CBFA2T2: variants seen among roughly 807,000 people sequenced by gnomAD.
CBFA2T2 encodes the protein CBFA2/RUNX1 partner transcriptional co-repressor 2, also known as protein CBFA2T2.
In CBFA2T2, 11 loss-of-function variants were observed where a neutral mutation model predicts 62.2. The observed-to-expected ratio is 0.18, with a 90% CI of 0.11 to 0.29. CBFA2T2 has a LOEUF of 0.29. CBFA2T2 is among the 10% of genes least tolerant of loss of function. The probability of loss-of-function intolerance (pLI) is 1.00; values close to 1 mark genes in which losing one functional copy is unlikely to be tolerated. For missense variants in CBFA2T2, 592 were observed against 774.1 expected, an observed-to-expected ratio of 0.76 and a Z score of 2.79; for synonymous variants, 295 against 287.5, an observed-to-expected ratio of 1.03 and a Z score of -0.27.
chr20:33,519,384 C>A (rs1460429501), intron 1 of CBFA2T2, among the ~76,000 whole-genome samples: 1 of 152,118 alleles, frequency 6.6e-6, no homozygotes, highest in Non-Finnish European at 1.5e-5. Context: ...GCGGGAGAAT[C>A]GCTTGAACCC....
At chr20:33,510,050 TGTGA>T in intron 1 of CBFA2T2, among the ~76,000 whole-genome samples, 1 of 152,064 alleles carries the variant, frequency 6.6e-6, no homozygotes, top group African/African-American at 2.4e-5. Context: ...AATTCCCACC[TGTGA>T]GTGAGAACAT....
chr20:33,603,238 A>G (rs1168800081), intron 1 of CBFA2T2, among the ~76,000 whole-genome samples: 1 of 152,200 alleles, frequency 6.6e-6, no homozygotes, highest in East Asian at 1.9e-4. Flanking sequence ...TTAAATTCCT[A>G]TGTAGGAAAA....
chr20:33,490,433 C>T, intron 1 of CBFA2T2, 132 bp downstream of exon 1: 1 of 951,902 alleles, frequency 1.1e-6, no homozygotes, highest in South Asian at 5.3e-5. Context: ...GGCGGCGGAT[C>T]CAAGGTCACG....
intron 1 of CBFA2T2, among the ~76,000 whole-genome samples, chr20:33,494,684 C>T (rs542200343): frequency 1.3e-5 from 2 of 152,030 alleles, no homozygotes; most frequent in East Asian, 1.9e-4. Context: ...CCACAACCTC[C>T]GCCTCCCAGG....
intron 1 of CBFA2T2, among the ~76,000 whole-genome samples, chr20:33,558,800 A>G (rs1568818538): frequency 6.6e-6 from 1 of 151,166 alleles, no homozygotes; most frequent in Non-Finnish European, 1.5e-5. Context: ...ATTTCAATAG[A>G]GATCAATTTT....
chr20:33,604,197 T>G (rs1260437185), intron 1 of CBFA2T2, among the ~76,000 whole-genome samples: 1 of 152,248 alleles, frequency 6.6e-6, no homozygotes, highest in Non-Finnish European at 1.5e-5. Context: ...TTGGTCAAGG[T>G]CACATACCTA....
chr20:33,582,734 G>C (rs2014178039), intron 1 of CBFA2T2, among the ~76,000 whole-genome samples: 1 of 151,974 alleles, frequency 6.6e-6, no homozygotes, highest in Non-Finnish European at 1.5e-5. Flanking sequence ...TTGAGGTCAG[G>C]AATTCGAGAC....
chr20:33,609,363 G>T (rs1455730420), intron 2 of CBFA2T2, among the ~76,000 whole-genome samples: 1 of 152,116 alleles, frequency 6.6e-6, no homozygotes, highest in Non-Finnish European at 1.5e-5. Context: ...TTAGCTGGAT[G>T]TGGTGGTGCG....
At chr20:33,491,148 A>C (rs1187065449) in intron 1 of CBFA2T2, among the ~76,000 whole-genome samples, 1 of 152,132 alleles carries the variant, frequency 6.6e-6, no homozygotes, top group Non-Finnish European at 1.5e-5. Context: ...AAGAACAATA[A>C]AATTTTAATT....
At chr20:33,503,863 G>A (rs1438843731) in intron 1 of CBFA2T2, among the ~76,000 whole-genome samples, 1 of 141,400 alleles carries the variant, frequency 7.1e-6, no homozygotes, top group African/African-American at 2.6e-5. Context: ...TTTTTTTTTT[G>A]TCAGTGGGTA....
intron 2 of CBFA2T2, 118 bp from the exon 3 acceptor site, chr20:33,610,976 T>G: frequency 7.7e-7 from 1 of 1,296,550 alleles, no homozygotes; most frequent in Non-Finnish European, 1.1e-6. Context: ...TTGCATACCT[T>G]TATAACATGT....
chr20:33,616,268 G>A (rs1472382946), intron 3 of CBFA2T2, among the ~76,000 whole-genome samples: 1 of 152,080 alleles, frequency 6.6e-6, no homozygotes, highest in Non-Finnish European at 1.5e-5. Context: ...CTTGTTGGCA[G>A]CAAAAATTAC....
chr20:33,642,088 C>A (rs2016861118), intron 10 of CBFA2T2, among the ~76,000 whole-genome samples: 1 of 149,312 alleles, frequency 6.7e-6, no homozygotes, highest in African/African-American at 2.5e-5. Flanking sequence ...CCTTTTCGTT[C>A]TCTCCTCCTC....
At chr20:33,584,224 C>T (rs777173996) in intron 1 of CBFA2T2, among the ~76,000 whole-genome samples, 15 of 151,878 alleles carry the variant, frequency 9.9e-5, no homozygotes, top group Non-Finnish European at 1.8e-4. Context: ...GCTGGGATTA[C>T]AGGCGTGAGC....
At chr20:33,491,219 C>A (rs1309731489) in intron 1 of CBFA2T2, among the ~76,000 whole-genome samples, 35 of 152,098 alleles carry the variant, frequency 2.3e-4, no homozygotes, top group Admixed American at 2.3e-3. Context: ...ATTTTGCATT[C>A]TATTCACTTA....
At chr20:33,539,420 T>C (rs1379780345) in intron 1 of CBFA2T2, among the ~76,000 whole-genome samples, 2 of 152,250 alleles carry the variant, frequency 1.3e-5, no homozygotes, top group Non-Finnish European at 2.9e-5. Flanking sequence ...TTTCAGGCCC[T>C]CTGCATCTTC....
chr20:33,526,443 A>C (rs576171563), intron 1 of CBFA2T2, among the ~76,000 whole-genome samples: 2 of 152,200 alleles, frequency 1.3e-5, no homozygotes, highest in Non-Finnish European at 2.9e-5. Context: ...TAGCAATAAA[A>C]ATAATCTATT....
chr20:33,550,771 A>G (rs376860107), intron 1 of CBFA2T2, among the ~76,000 whole-genome samples: 42 of 151,904 alleles, frequency 2.8e-4, no homozygotes, highest in African/African-American at 8.9e-4. Context: ...ACAGGTTCGT[A>G]CCACCACACC....
At chr20:33,594,536 C>G (rs1024829447) in intron 1 of CBFA2T2, among the ~76,000 whole-genome samples, 4 of 152,030 alleles carry the variant, frequency 2.6e-5, no homozygotes, top group African/African-American at 9.7e-5. Flanking sequence ...TAGATTTCCT[C>G]TAGAAGGTTC....
Sources: allele counts gnomAD v4.1 joint callset (sites outside exome capture counted in the v4.1 genomes callset), GRCh38; gene constraint gnomAD v4.1.1; transcripts MANE v1.5; gene names NCBI Gene and HGNC (gene_info 2026-07-23, HGNC 2026-07-21).